Variants in MACO1 observed in about 807,000 individuals in gnomAD.
MACO1 encodes macoilin.
Under a neutral mutation model 78.7 loss-of-function variants are expected in MACO1, and 14 were observed. The ratio of observed to expected loss-of-function variants is 0.18; its 90% CI spans 0.12 to 0.28. The LOEUF (loss-of-function observed/expected upper bound fraction) is 0.28. Among genes scored for constraint, MACO1 ranks in the 10% least tolerant of loss-of-function variants. The probability of loss-of-function intolerance (pLI) is 1.00; values close to 1 mark genes in which losing one functional copy is unlikely to be tolerated. For synonymous variants in MACO1, 288 were observed against 291.6 expected (o/e 0.99, Z 0.12); for missense variants, 501 against 799.0 (o/e 0.63, Z 4.50).
In MACO1 at chr1:25,458,884, A is replaced by G. The variant is rs145011656; in HGVS notation, c.1146A>G (p.Ala382=). 3.2e-5 allele frequency: 51 copies of G among 1,612,782 alleles called. No individual in the cohort carries two copies. The African/African-American group carries it at 6.4e-4, about 20-fold the overall frequency. The change falls in exon 6 of 11, where the codon GCA becomes GCG. Residue 382 remains alanine, a synonymous_variant. Coordinates refer to ENST00000374343, the MANE Select transcript of MACO1 (RefSeq NM_018202.6). The stretch of plus-strand genomic sequence containing the variant: ...ATAACCAGCTAAGCAAACCAGACGC[A>G]CTGGTCAGGTAAGTGCACATGCTGC... ...IPNNQLSKPD[A]LVRLEQDIKK...
intron 7 of MACO1, among the ~76,000 whole-genome samples, chr1:25,484,650 G>T (rs561484242): frequency 2.6e-5 from 4 of 152,256 alleles, no homozygotes; most frequent in African/African-American, 9.6e-5. Flanking sequence ...TTTATTTCCA[G>T]AACTAAAAGA....
intron 6 of MACO1, among the ~76,000 whole-genome samples, chr1:25,470,761 G>T (rs976481930): frequency 6.6e-6 from 1 of 152,222 alleles, no homozygotes; most frequent in African/African-American, 2.4e-5. Context: ...GGGCTCAGTG[G>T]TTCACACCTG....
At chr1:25,481,840 T>C (rs975993073) in intron 6 of MACO1, among the ~76,000 whole-genome samples, 14 of 152,196 alleles carry the variant, frequency 9.2e-5, no homozygotes, top group African/African-American at 3.4e-4. Context: ...GCGGTGCTTT[T>C]GGAACAAAAG....
chr1:25,431,518 G>A (rs2042868329), intron 1 of MACO1, among the ~76,000 whole-genome samples: 1 of 151,848 alleles, frequency 6.6e-6, no homozygotes, highest in Admixed American at 6.5e-5. Flanking sequence ...CCGCTGGGCC[G>A]GGAGGGCCGC....
chr1:25,465,111 C>T (rs2043207242), intron 6 of MACO1, among the ~76,000 whole-genome samples: 1 of 152,176 alleles, frequency 6.6e-6, no homozygotes. Context: ...TCATGCCCAG[C>T]CTGCTCCGTG....
In MACO1 at chr1:25,458,789, GAGA is replaced by G. The variant is rs1369164392; in HGVS notation, c.1057_1059del (p.Lys353del). On this transcript the variant is annotated inframe_deletion, in exon 6 of 11. Coordinates refer to ENST00000374343, the MANE Select transcript of MACO1 (RefSeq NM_018202.6). Reference sequence around the variant, plus strand: ...CATTCCTTCCTCATCTAGTAAAAATGAGAAGAAGCAGAAATGCACTAGCAAGAG... The same window carrying G: ...CATTCCTTCCTCATCTAGTAAAAATGAGAAGCAGAAATGCACTAGCAAGAG... 2.5e-6 allele frequency: 4 copies of G among 1,614,050 alleles called. No homozygotes were observed. The highest frequency in any genetic ancestry group is 8.5e-7 in the Non-Finnish European group (1 of 1,180,050).
intron 1 of MACO1, among the ~76,000 whole-genome samples, chr1:25,443,611 A>G (rs1179904261): frequency 6.6e-6 from 1 of 152,260 alleles, no homozygotes; most frequent in Non-Finnish European, 1.5e-5. Context: ...TCACTAACAA[A>G]GATGGTAATT....
At chr1:25,445,826 A>AT (rs2043011111) in intron 1 of MACO1, among the ~76,000 whole-genome samples, 1 of 152,128 alleles carries the variant, frequency 6.6e-6, no homozygotes. Context: ...TGTGGAAAAT[A>AT]TTTTTTAATA....
intron 1 of MACO1, among the ~76,000 whole-genome samples, chr1:25,441,518 A>G (rs2042972832): frequency 6.6e-6 from 1 of 152,246 alleles, no homozygotes; most frequent in Admixed American, 6.5e-5. Flanking sequence ...AAAATAGTTA[A>G]GATCCTGTAG....
chr1:25,481,601 A>C (rs944609087), intron 6 of MACO1, among the ~76,000 whole-genome samples: 2 of 152,234 alleles, frequency 1.3e-5, no homozygotes, highest in Non-Finnish European at 2.9e-5. Context: ...ATTTTCAGCC[A>C]AATTTCTCAA....
In MACO1 at chr1:25,458,541, T is replaced by C; in HGVS notation, c.803T>C (p.Leu268Pro). Residue 268 changes from leucine (L) to proline (P), a missense_variant, in exon 6 of 11, where the codon CTT (leucine) becomes CCT (proline). By Grantham distance (98) the Leu-to-Pro change is moderately conservative. Coordinates refer to ENST00000374343, the MANE Select transcript of MACO1 (RefSeq NM_018202.6). ...GACAAGGATGCCAAAAAACACAACC[T>C]TGGAATAAATAACAACAATATTCTA... ...EKDKDAKKHN[L>P]GINNNNILQP... The C allele has an allele frequency of 3.7e-6, 6 of 1,613,550 alleles. No homozygotes were observed. The highest frequency in any genetic ancestry group is 5.1e-6 in the Non-Finnish European group (6 of 1,179,856).
intron 6 of MACO1, 60 bp downstream of exon 6, chr1:25,458,952 A>C: frequency 1.9e-6 from 3 of 1,548,174 alleles, no homozygotes; most frequent in Non-Finnish European, 2.6e-6. Context: ...TACTCTTGAC[A>C]TACTCCCATA....
At chr1:25,454,980 C>G (rs1019210352) in intron 4 of MACO1, among the ~76,000 whole-genome samples, 2 of 152,112 alleles carry the variant, frequency 1.3e-5, no homozygotes, top group African/African-American at 2.4e-5. Flanking sequence ...GTCACTGCCT[C>G]TAAGCCATGG....
chr1:25,437,159 G>A (rs2042925983), intron 1 of MACO1, among the ~76,000 whole-genome samples: 1 of 150,424 alleles, frequency 6.6e-6, no homozygotes, highest in Non-Finnish European at 1.5e-5. Context: ...TTTTGAGACA[G>A]GGTCTCATTC....
At chr1:25,467,731 A>ATTT (rs34155576) in intron 6 of MACO1, among the ~76,000 whole-genome samples, 10 of 134,188 alleles carry the variant, frequency 7.5e-5, no homozygotes, top group African/African-American at 2.5e-4. Context: ...TAGAATGATG[A>ATTT]TTTTTTTTTT....
chr1:25,459,596 T>C (rs2043153645), intron 6 of MACO1, among the ~76,000 whole-genome samples: 1 of 151,556 alleles, frequency 6.6e-6, no homozygotes, highest in African/African-American at 2.4e-5. Context: ...TGCCTCAGCC[T>C]CCCAACTAAC....
At chr1:25,452,983 C>T (rs964263714) in intron 3 of MACO1, among the ~76,000 whole-genome samples, 7 of 150,196 alleles carry the variant, frequency 4.7e-5, no homozygotes, top group Non-Finnish European at 7.4e-5. Flanking sequence ...GCATGAGCCA[C>T]CACGCCTGGC....
intron 6 of MACO1, 87 bp from the exon 7 acceptor site, chr1:25,484,029 C>G: frequency 7.3e-7 from 1 of 1,363,936 alleles, no homozygotes; most frequent in Non-Finnish European, 9.9e-7. Context: ...TGCCATTCAC[C>G]CAGCAGTCCA....
chr1:25,454,895 G>A (rs1303327590), intron 4 of MACO1, among the ~76,000 whole-genome samples: 2 of 152,084 alleles, frequency 1.3e-5, no homozygotes, highest in African/African-American at 4.8e-5. Context: ...AGCATGGTTG[G>A]AAAGACCATG....
Sources: allele counts gnomAD v4.1 joint callset (sites outside exome capture counted in the v4.1 genomes callset), GRCh38; gene constraint gnomAD v4.1.1; transcripts MANE v1.5; gene names NCBI Gene and HGNC (gene_info 2026-07-23, HGNC 2026-07-21).